Variants in CD109 observed in about 807,000 individuals in gnomAD.
CD109 encodes the protein CD109 antigen.
Under a neutral mutation model 165.8 loss-of-function variants are expected in CD109, and 149 were observed. That is an observed-to-expected ratio of 0.90 (90% CI 0.79 to 1.03). The LOEUF (loss-of-function observed/expected upper bound fraction) is 1.03. CD109 is among the 50% of genes least tolerant of loss of function. CD109 has a pLI of 0.00. For synonymous variants in CD109, 585 were observed against 592.1 expected (o/e 0.99, Z 0.18); for missense variants, 1,712 against 1,677.8 (o/e 1.02, Z -0.36).
upstream of CD109, chr6:73,695,966 T>G: frequency 8.2e-6 from 4 of 486,688 alleles, no homozygotes; most frequent in East Asian, 4.3e-5. Flanking sequence ...AGCAACTGCT[T>G]TCTCACCCCC....
rs779599680 is a variant in CD109 at position 73,781,296 on chromosome 6, C to G, written c.1940C>G (p.Thr647Arg). 1.9e-6 allele frequency: 3 copies of G among 1,613,020 alleles called. No homozygotes were observed. In the Admixed American group the frequency reaches 5.0e-5, roughly 27 times the overall value. The change falls in exon 17 of 33, where the codon ACG becomes AGG. Residue 647 changes from threonine to arginine, a missense_variant. By Grantham distance (71) the Thr-to-Arg change is moderately conservative. Coordinates refer to ENST00000287097, the MANE Select transcript of CD109 (RefSeq NM_133493.5). ...GLWVLTDANL[T>R]KDYIDGVYDN... ...TGGGTATTGACAGATGCAAACCTCA[C>G]GAAGGATTATATTGATGGTGTTTGT...
chr6:73,768,013 T>A, intron 13 of CD109, 42 bp from the exon 14 acceptor site: 1 of 1,489,572 alleles, frequency 6.7e-7, no homozygotes, highest in Non-Finnish European at 9.3e-7. Context: ...GAGATCCTAC[T>A]AGGTTTGGCA....
chr6:73,696,326 C>G, intron 1 of CD109, 37 bp downstream of exon 1: 1 of 1,376,222 alleles, frequency 7.3e-7, no homozygotes, highest in Non-Finnish European at 9.4e-7. Flanking sequence ...CGCGGGCGCG[C>G]GGGCCTGGGC....
At chr6:73,680,236 T>C in the CD109 span, among the ~76,000 whole-genome samples, 1 of 152,252 alleles carries the variant, frequency 6.6e-6, no homozygotes, top group East Asian at 1.9e-4. Flanking sequence ...ATTCTTTTTC[T>C]TTATACAATT....
At chr6:73,797,757 A>G (rs1301158263) in intron 23 of CD109, among the ~76,000 whole-genome samples, 1 of 152,172 alleles carries the variant, frequency 6.6e-6, no homozygotes. Flanking sequence ...TTGAAATTTT[A>G]CATTCATGGT....
At chr6:73,795,150 A>G (rs1005456931) in intron 23 of CD109, among the ~76,000 whole-genome samples, 1 of 62,678 alleles carries the variant, frequency 1.6e-5, no homozygotes, top group Non-Finnish European at 3.3e-5. Context: ...TAGAAACTAC[A>G]TAGGAATTAG....
chr6:73,729,589 G>A (rs566880336), intron 3 of CD109, among the ~76,000 whole-genome samples: 4 of 151,168 alleles, frequency 2.6e-5, no homozygotes, highest in African/African-American at 7.3e-5. Flanking sequence ...GCACGATCTC[G>A]GCTCACTGCA....
At chr6:73,763,790 G>A (rs1053381213) in intron 10 of CD109, 105 bp downstream of exon 10, 20 of 515,976 alleles carry the variant, frequency 3.9e-5, no homozygotes, top group African/African-American at 3.7e-4. Flanking sequence ...AAGCCAAAAA[G>A]TATATAACTT....
chr6:73,704,196 A>G (rs79404932), intron 2 of CD109, among the ~76,000 whole-genome samples: 2 of 151,612 alleles, frequency 1.3e-5, no homozygotes, highest in East Asian at 1.9e-4. Context: ...AAAAAAAAAA[A>G]GAGAATCTAA....
chr6:73,767,573 C>T (rs1773897325), intron 13 of CD109, among the ~76,000 whole-genome samples: 3 of 152,066 alleles, frequency 2.0e-5, no homozygotes, highest in Admixed American at 1.3e-4. Flanking sequence ...TTTAACATTG[C>T]AATCAAATAA....
intron 10 of CD109, 22 bp from the exon 11 acceptor site, chr6:73,765,908 G>A: frequency 4.6e-6 from 7 of 1,515,710 alleles, no homozygotes; most frequent in Non-Finnish European, 6.4e-6. Flanking sequence ...GTGTTTTTAA[G>A]ATGTTTTGTT....
chr6:73,765,575 G>A (rs1007832991), intron 10 of CD109, among the ~76,000 whole-genome samples: 3 of 152,098 alleles, frequency 2.0e-5, no homozygotes, highest in African/African-American at 4.8e-5. Flanking sequence ...GAGATGACAA[G>A]CTAAGCAATA....
At chr6:73,733,050 C>T (rs1466164736) in intron 4 of CD109, among the ~76,000 whole-genome samples, 1 of 152,182 alleles carries the variant, frequency 6.6e-6, no homozygotes, top group African/African-American at 2.4e-5. Flanking sequence ...GTCTAGCTGC[C>T]TTCCTCCTTG....
chr6:73,709,678 T>C (rs951808081), intron 2 of CD109, among the ~76,000 whole-genome samples: 1 of 152,098 alleles, frequency 6.6e-6, no homozygotes, highest in Non-Finnish European at 1.5e-5. Flanking sequence ...TGAACATCGA[T>C]GCAAAAATCT....
At chr6:73,712,566 G>A (rs1159584467) in intron 2 of CD109, among the ~76,000 whole-genome samples, 1 of 152,134 alleles carries the variant, frequency 6.6e-6, no homozygotes, top group African/African-American at 2.4e-5. Context: ...GTTATTTGGT[G>A]AGGACAGATG....
chr6:73,820,648 G>A (rs1393270736), intron 32 of CD109, 85 bp downstream of exon 32: 4 of 773,652 alleles, frequency 5.2e-6, no homozygotes, highest in Non-Finnish European at 2.0e-6. Flanking sequence ...CATTGGATTG[G>A]TTCTGTGGCG....
intron 30 of CD109, among the ~76,000 whole-genome samples, chr6:73,815,452 G>A (rs1340316580): frequency 2.0e-5 from 3 of 151,874 alleles, no homozygotes; most frequent in Non-Finnish European, 4.4e-5. Context: ...GTTATTTCTT[G>A]TTATGAGTTA....
the CD109 span, among the ~76,000 whole-genome samples, chr6:73,680,314 A>T: frequency 6.6e-6 from 1 of 152,212 alleles, no homozygotes; most frequent in African/African-American, 2.4e-5. Context: ...GGTAAATATA[A>T]TCTTATAACA....
At chr6:73,702,587 G>A (rs1330026517) in intron 2 of CD109, among the ~76,000 whole-genome samples, 1 of 152,136 alleles carries the variant, frequency 6.6e-6, no homozygotes, top group Non-Finnish European at 1.5e-5. Flanking sequence ...ATATTAACAG[G>A]TAGGTGGTAC....
Sources: allele counts gnomAD v4.1 joint callset (sites outside exome capture counted in the v4.1 genomes callset), GRCh38; gene constraint gnomAD v4.1.1; transcripts MANE v1.5; gene names NCBI Gene and HGNC (gene_info 2026-07-23, HGNC 2026-07-21).